Variants in RGS22 observed in about 807,000 individuals in gnomAD.
RGS22 encodes regulator of G-protein signaling 22.
In RGS22, 148 loss-of-function variants were observed where a neutral mutation model predicts 172.9. The observed-to-expected ratio is 0.86, with a 90% CI of 0.75 to 0.98. RGS22 has a LOEUF of 0.98. Among genes scored for constraint, RGS22 ranks in the 50% least tolerant of loss-of-function variants. The probability of loss-of-function intolerance (pLI) is 0.00; values close to 1 mark genes in which losing one functional copy is unlikely to be tolerated. For synonymous variants in RGS22, 458 were observed against 480.2 expected (o/e 0.95, Z 0.60); for missense variants, 1,347 against 1,440.8 (o/e 0.93, Z 1.05).
chr8:100,074,753 T>G (rs2126075), intron 4 of RGS22, among the ~76,000 whole-genome samples: 67,903 of 151,790 alleles, frequency 0.45, 17,305 homozygotes, highest in Admixed American at 0.55. Flanking sequence ...TTTTTTGTTT[T>G]TTTTTTGTTT....
intron 18 of RGS22, among the ~76,000 whole-genome samples, chr8:100,000,559 G>C (rs1814933574): frequency 6.6e-6 from 1 of 152,132 alleles, no homozygotes; most frequent in African/African-American, 2.4e-5. Context: ...AAAATCCTCT[G>C]TAGTAAGCAC....
chr8:100,086,630 C>T (rs1812180879), intron 3 of RGS22, among the ~76,000 whole-genome samples: 1 of 151,936 alleles, frequency 6.6e-6, no homozygotes, highest in Admixed American at 6.6e-5. Context: ...GGTGAAGGAT[C>T]ATTCATATCC....
chr8:99,964,839 T>C (rs906921673), intron 24 of RGS22, among the ~76,000 whole-genome samples: 6 of 152,316 alleles, frequency 3.9e-5, no homozygotes, highest in Admixed American at 2.0e-4. Flanking sequence ...AAGTTAAACA[T>C]ACGACATTTC....
At chr8:100,033,336 A>C (rs1010583705) in intron 14 of RGS22, among the ~76,000 whole-genome samples, 2 of 152,212 alleles carry the variant, frequency 1.3e-5, no homozygotes, top group Non-Finnish European at 2.9e-5. Context: ...TAAAGGAGAT[A>C]TCACCACTGA....
At position 100,093,524 on chromosome 8, in the gene RGS22, C is replaced by T; in HGVS notation, c.55-15G>A. 2 of 1,483,688 alleles carry T rather than the reference C, an allele frequency of 1.3e-6. No individual in the cohort carries two copies. The highest frequency in any genetic ancestry group is 2.4e-5 in the South Asian group (2 of 84,098). The allele number at this position is 1,483,688 out of a possible 1,614,324, so 91.9% of individuals were successfully genotyped here. The stretch of plus-strand genomic sequence containing the variant: ...AGAGAATCTTCCTGCAAAAAAAAAA[C>T]ATAAAAACACAGTATTATAATTATA... On this transcript the variant is annotated splice_polypyrimidine_tract_variant and intron_variant, in intron 2 of 27. Transcript: ENST00000360863.
At chr8:100,019,632 A>C (rs1039492607) in intron 14 of RGS22, among the ~76,000 whole-genome samples, 2 of 152,234 alleles carry the variant, frequency 1.3e-5, no homozygotes, top group African/African-American at 4.8e-5. Context: ...TGACATTTTA[A>C]AAGTAGACTT....
intron 27 of RGS22, among the ~76,000 whole-genome samples, chr8:99,961,465 C>G (rs954017978): frequency 6.6e-6 from 1 of 152,124 alleles, no homozygotes; most frequent in Non-Finnish European, 1.5e-5. Context: ...TTATAAGGGG[C>G]TTTTCCCCCT....
chr8:100,044,285 C>T (rs1279013997), intron 11 of RGS22, among the ~76,000 whole-genome samples: 14 of 152,348 alleles, frequency 9.2e-5, no homozygotes, highest in South Asian at 4.1e-4. Flanking sequence ...CTCACTCTGT[C>T]GCCCAGGCTG....
chr8:99,965,030 T>C (rs975374280), intron 24 of RGS22, among the ~76,000 whole-genome samples: 12 of 152,188 alleles, frequency 7.9e-5, no homozygotes, highest in African/African-American at 2.9e-4. Flanking sequence ...CCTATATATA[T>C]TCCATCTTGT....
intron 23 of RGS22, among the ~76,000 whole-genome samples, chr8:99,970,105 A>C (rs1811176489): frequency 6.6e-6 from 1 of 152,224 alleles, no homozygotes; most frequent in African/African-American, 2.4e-5. Context: ...ACTATATGGA[A>C]ACTGAACAAC....
intron 21 of RGS22, among the ~76,000 whole-genome samples, chr8:99,985,986 C>T (rs1267996450): frequency 6.6e-6 from 1 of 151,996 alleles, no homozygotes; most frequent in Non-Finnish European, 1.5e-5. Context: ...TTTAATATTG[C>T]TCATGTGAAA....
chr8:100,092,079 T>A (rs571898600), intron 3 of RGS22: 1 of 137,728 alleles, frequency 7.3e-6, no homozygotes, highest in East Asian at 2.2e-4. Flanking sequence ...TATATATATA[T>A]AAAACTAATC....
rs116477168 is a variant in RGS22 at position 100,081,937 on chromosome 8, C to T, written c.118-1582G>A. ...TTTTTTTTTTTTTTTTGCCTCCTAC[C>T]CTCTGACCTGGTAGCCAGAGGAACA... On this transcript the variant is annotated intron_variant, in intron 3 of 27. Coordinates refer to ENST00000360863, the MANE Select transcript of RGS22 (RefSeq NM_015668.5). Among the ~76,000 whole-genome samples the T allele has an allele frequency of 7.8e-3, 1,158 of 149,404 alleles. 17 individuals are homozygous for T. The highest frequency in any genetic ancestry group is 0.027 in the African/African-American group (1,108 of 40,780).
At chr8:100,003,836 T>C (rs1023004535) in intron 17 of RGS22, 90 bp downstream of exon 17, 9 of 1,127,828 alleles carry the variant, frequency 8.0e-6, no homozygotes, top group Non-Finnish European at 1.1e-5. Flanking sequence ...AAATCTGTTA[T>C]AGCACCAAAT....
rs762027086 is a variant in RGS22, at chr8:100,031,348, G to A, written c.2166+7583C>T. Among the ~76,000 whole-genome samples, 94 of 152,088 alleles carry A rather than the reference G, an allele frequency of 6.2e-4. 1 individual carries two copies. Among genetic ancestry groups the A allele is most frequent in the Middle Eastern group, 6.8e-3 (2 of 294 alleles). On this transcript the variant is annotated intron_variant, in intron 14 of 27. Transcript: ENST00000360863. ...TAAAATAACAGTGTGTTACCCTGACGTCCAATCCAATAAGACAAAAATCTC... is the reference window on the plus strand; with the variant it reads ...TAAAATAACAGTGTGTTACCCTGACATCCAATCCAATAAGACAAAAATCTC...
At chr8:100,034,114 G>A (rs1474640801) in intron 14 of RGS22, among the ~76,000 whole-genome samples, 2 of 152,122 alleles carry the variant, frequency 1.3e-5, no homozygotes, top group Middle Eastern at 3.2e-3. Flanking sequence ...GTTCTGGCCA[G>A]GGCAATCGGG....
intron 4 of RGS22, 127 bp downstream of exon 4, chr8:100,080,007 C>A: frequency 3.0e-6 from 2 of 658,336 alleles, no homozygotes; most frequent in Admixed American, 6.0e-5. Flanking sequence ...TTAACAAATA[C>A]TATGTGTACG....
chr8:100,011,461 C>G (rs1816376510), intron 14 of RGS22, among the ~76,000 whole-genome samples: 1 of 152,186 alleles, frequency 6.6e-6, no homozygotes, highest in Non-Finnish European at 1.5e-5. Flanking sequence ...ACAGAAAAAT[C>G]CTTTTGTGCA....
rs183272813 is a variant in RGS22 at position 99,997,664 on chromosome 8, A to C, written c.2950-1134T>G. Among the ~76,000 whole-genome samples, 6 of 152,326 alleles carry C rather than the reference A, an allele frequency of 3.9e-5. No individual in the cohort carries two copies. In the East Asian group the frequency reaches 1.2e-3, roughly 29 times the overall value. On this transcript the variant is annotated intron_variant, in intron 19 of 27. Transcript: ENST00000360863. Reference sequence around the variant, plus strand: ...AATGGCATGTGGCTTTGCATACTAAAGTCCAAAACTGCATGTTTTCTGACC... The same window carrying C: ...AATGGCATGTGGCTTTGCATACTAACGTCCAAAACTGCATGTTTTCTGACC...
Sources: gnomAD v4.1 joint callset for allele counts (sites outside exome capture counted in the v4.1 genomes callset) on GRCh38, gnomAD v4.1.1 for gene constraint, MANE v1.5 for transcripts, NCBI Gene and HGNC (gene_info 2026-07-23, HGNC 2026-07-21) for gene names.